The following EIF5B variants were observed in gnomAD, a reference collection of about 807,000 sequenced individuals.
The protein encoded by EIF5B is eukaryotic translation initiation factor 5B.
EIF5B carries 47 observed loss-of-function variants against 147.5 expected under a neutral mutation model. The observed-to-expected ratio is 0.32, with a 90% CI of 0.25 to 0.41. The LOEUF is 0.41. EIF5B is among the 10% of genes least tolerant of loss of function. The pLI is 1.00. For synonymous variants in EIF5B, 455 were observed against 456.2 expected, an observed-to-expected ratio of 1.00 and a Z score of 0.03; for missense variants, 1,064 against 1,413.2, an observed-to-expected ratio of 0.75 and a Z score of 3.96.
intron 18 of EIF5B, 45 bp from the exon 19 acceptor site, chr2:99,394,222 A>G (rs2242036): frequency 0.14 from 226,237 of 1,574,796 alleles, 17,286 homozygotes; most frequent in East Asian, 0.25. Context: ...ACTGCTGAGG[A>G]TAGAGGTGTG....
At position 99,401,304 on chromosome 2, in the gene EIF5B, A is replaced by G. The variant is rs1675362770; in HGVS notation, c.*1890A>G. 6.2e-7 allele frequency: 1 copy of G among 1,614,030 alleles called. No individual in the cohort carries two copies. Among genetic ancestry groups the G allele is most frequent in the Non-Finnish European group, 8.5e-7 (1 of 1,179,906 alleles). On this transcript the variant is annotated 3_prime_UTR_variant, in exon 24 of 24. Transcript: ENST00000289371. ...AAACCACCTGGACATTGTCAAGAAT[A>G]AAGTCAAATGCCATATTCCAAACCG...
At chr2:99,398,536 C>T (rs2104264020) in intron 22 of EIF5B, 2 of 455,046 alleles carry the variant, frequency 4.4e-6, no homozygotes, top group East Asian at 3.8e-5. Flanking sequence ...ACATTATCTC[C>T]TGTCATTCTT....
chr2:99,369,590 T>C (rs769465521), intron 8 of EIF5B, 109 bp downstream of exon 8: 2 of 778,406 alleles, frequency 2.6e-6, no homozygotes, highest in Non-Finnish European at 3.9e-6. Context: ...CAAATAAGTA[T>C]CTGGCTGGAT....
chr2:99,361,164 A>G lies in EIF5B; in HGVS notation c.263A>G (p.Glu88Gly), dbSNP rs368200530. 1.6e-5 allele frequency: 25 copies of G among 1,530,024 alleles called. No individual in the cohort carries two copies. The highest frequency in any genetic ancestry group is 2.3e-5 in the East Asian group (1 of 43,014). The allele number at this position is 1,530,024 out of a possible 1,614,324, so 94.8% of individuals were successfully genotyped here. A position where few individuals can be genotyped will look rare whatever the true frequency, so the allele number is the denominator to read the frequency against. ...ATTTTTTAGCCAACAGAAAACAATG[A>G]AGAGGAATTCACCTCAAAAGATAAA... Reference protein sequence around the residue: ...TVAVKPTENNEEEFTSKDKKK... With the variant: ...TVAVKPTENNGEEFTSKDKKK... The change falls in exon 4 of 24, where the codon GAA becomes GGA. Residue 88 changes from glutamate to glycine, a missense_variant. Glu to Gly is a moderately conservative substitution (Grantham distance 98, BLOSUM62 -2). Coordinates refer to ENST00000289371, the MANE Select transcript of EIF5B (RefSeq NM_015904.4).
At chr2:99,396,101 A>T (rs1675040359) in intron 21 of EIF5B, among the ~76,000 whole-genome samples, 2 of 152,176 alleles carry the variant, frequency 1.3e-5, no homozygotes, top group Non-Finnish European at 2.9e-5. Flanking sequence ...GATAGGAGTG[A>T]TGGCGTAGTT....
intron 14 of EIF5B, among the ~76,000 whole-genome samples, chr2:99,386,061 C>G (rs1345351538): frequency 6.6e-6 from 1 of 152,162 alleles, no homozygotes; most frequent in African/African-American, 2.4e-5. Context: ...AAGGGTTTTT[C>G]CTTTTTATTT....
intron 1 of EIF5B, among the ~76,000 whole-genome samples, chr2:99,343,074 C>T (rs1043136995): frequency 6.6e-6 from 1 of 151,668 alleles, no homozygotes; most frequent in African/African-American, 2.4e-5. Flanking sequence ...GATTCTCATG[C>T]CTCAGCCTCC....
chr2:99,355,651 C>G (rs180955882), intron 1 of EIF5B, among the ~76,000 whole-genome samples: 30 of 120,114 alleles, frequency 2.5e-4, no homozygotes, highest in Admixed American at 1.2e-3. Context: ...CTCATTCTGT[C>G]GCCCAGGCTG....
intron 17 of EIF5B, among the ~76,000 whole-genome samples, chr2:99,391,241 A>G (rs1424043169): frequency 6.6e-6 from 1 of 152,228 alleles, no homozygotes; most frequent in East Asian, 1.9e-4. Flanking sequence ...GATCATCATA[A>G]TGGTCCTCAT....
chr2:99,369,353 C>T (rs773388179), intron 7 of EIF5B, 39 bp from the exon 8 acceptor site: 1 of 1,531,446 alleles, frequency 6.5e-7, no homozygotes, highest in Non-Finnish European at 8.9e-7. Flanking sequence ...AAATTATACA[C>T]CAAAAAAAAT....
intron 10 of EIF5B, among the ~76,000 whole-genome samples, chr2:99,378,397 G>A (rs183904025): frequency 1.1e-4 from 16 of 152,316 alleles, no homozygotes; most frequent in East Asian, 5.8e-4. Flanking sequence ...CAACGGAGAA[G>A]CACGTTGTGG....
chr2:99,374,388 C>A (rs1427011506), intron 9 of EIF5B, among the ~76,000 whole-genome samples: 1 of 149,506 alleles, frequency 6.7e-6, no homozygotes, highest in Admixed American at 6.6e-5. Context: ...TCAATACTTA[C>A]TATTTATAAG....
At chr2:99,368,461 T>C (rs775938530) in intron 6 of EIF5B, 32 bp from the exon 7 acceptor site, 8 of 1,527,648 alleles carry the variant, frequency 5.2e-6, no homozygotes, top group African/African-American at 4.1e-5. Context: ...GCAAGTAGTA[T>C]AAGCCTGAAG....
intron 1 of EIF5B, among the ~76,000 whole-genome samples, chr2:99,345,296 T>C (rs2094270061): frequency 6.6e-6 from 1 of 152,100 alleles, no homozygotes; most frequent in Non-Finnish European, 1.5e-5. Context: ...CTATTTGAAA[T>C]GTCTAACATG....
At chr2:99,369,174 G>A (rs1674389244) in intron 7 of EIF5B, among the ~76,000 whole-genome samples, 1 of 152,202 alleles carries the variant, frequency 6.6e-6, no homozygotes, top group Non-Finnish European at 1.5e-5. Flanking sequence ...TTGGCAGGCT[G>A]AGGCAGGGAG....
intron 1 of EIF5B, among the ~76,000 whole-genome samples, chr2:99,341,983 T>C (rs1362539030): frequency 6.6e-6 from 1 of 152,174 alleles, no homozygotes; most frequent in East Asian, 1.9e-4. Context: ...TTAGTATTAT[T>C]TTGAAAATAG....
chr2:99,397,662 A>T (rs1276082430), intron 22 of EIF5B: 1 of 152,200 alleles, frequency 6.6e-6, no homozygotes, highest in Non-Finnish European at 1.5e-5. Context: ...TGATGCTCTG[A>T]TTTCCTGGGG....
intron 1 of EIF5B, among the ~76,000 whole-genome samples, chr2:99,341,012 C>T (rs1290315173): frequency 2.0e-5 from 3 of 152,180 alleles, no homozygotes; most frequent in African/African-American, 7.2e-5. Context: ...GATCCTCCCA[C>T]CCTGGCCTCC....
At chr2:99,365,744 C>G (rs894250413) in intron 6 of EIF5B, among the ~76,000 whole-genome samples, 2 of 151,868 alleles carry the variant, frequency 1.3e-5, no homozygotes, top group African/African-American at 4.8e-5. Context: ...TGACGCTGGT[C>G]TCTTACTCTT....
Sources: allele counts gnomAD v4.1 joint callset (sites outside exome capture counted in the v4.1 genomes callset), GRCh38; gene constraint gnomAD v4.1.1; transcripts MANE v1.5; gene names NCBI Gene and HGNC (gene_info 2026-07-23, HGNC 2026-07-21).